TTC39C: variants seen among roughly 807,000 people sequenced by gnomAD.
The protein encoded by TTC39C is tetratricopeptide repeat protein 39C.
Under a neutral mutation model 76.3 loss-of-function variants are expected in TTC39C, and 33 were observed. That is an observed-to-expected ratio of 0.43 (90% CI 0.33 to 0.58). The LOEUF is 0.58. TTC39C is among the 20% of genes least tolerant of loss of function. The probability of loss-of-function intolerance (pLI) is 0.04; values close to 1 mark genes in which losing one functional copy is unlikely to be tolerated. For synonymous variants in TTC39C, 254 were observed against 260.6 expected (o/e 0.97, Z 0.24); for missense variants, 595 against 701.4 (o/e 0.85, Z 1.71).
chr18:24,016,962 A>T (rs1168536711), intron 1 of TTC39C, among the ~76,000 whole-genome samples: 2 of 152,192 alleles, frequency 1.3e-5, no homozygotes, highest in Non-Finnish European at 2.9e-5. Context: ...GAGGGACATG[A>T]GACTTAGTTT....
intron 1 of TTC39C, among the ~76,000 whole-genome samples, chr18:24,024,755 C>T (rs892715127): frequency 6.6e-6 from 1 of 152,110 alleles, no homozygotes; most frequent in African/African-American, 2.4e-5. Context: ...CAGGATTAGA[C>T]GATGAATTGA....
intron 6 of TTC39C, among the ~76,000 whole-genome samples, chr18:24,091,568 C>A (rs989041584): frequency 3.9e-5 from 6 of 152,126 alleles, no homozygotes; most frequent in Non-Finnish European, 8.8e-5. Flanking sequence ...TTGGGTTAGG[C>A]CTTGGTTTCC....
intron 10 of TTC39C, among the ~76,000 whole-genome samples, chr18:24,127,356 A>G (rs1057395975): frequency 2.0e-5 from 3 of 152,148 alleles, no homozygotes; most frequent in African/African-American, 7.2e-5. Context: ...GTGCCCTCCC[A>G]GTTTTGTGCA....
chr18:24,019,861 A>G, intron 1 of TTC39C: 4 of 1,527,064 alleles, frequency 2.6e-6, no homozygotes, highest in Non-Finnish European at 3.5e-6. Flanking sequence ...CTTTTACAGA[A>G]AAAGTTTTTT....
intron 1 of TTC39C, 31 bp from the exon 2 acceptor site, chr18:24,064,108 AT>A: frequency 1.2e-6 from 2 of 1,606,350 alleles, no homozygotes; most frequent in Non-Finnish European, 1.7e-6. Flanking sequence ...AAATAATTGT[AT>A]TTTGTGTGTG....
intron 4 of TTC39C, among the ~76,000 whole-genome samples, chr18:24,072,452 C>T (rs1599297772): frequency 2.0e-5 from 3 of 152,198 alleles, no homozygotes; most frequent in East Asian, 3.9e-4. Flanking sequence ...CATGCCACCA[C>T]TCCTGGCTAA....
intron 1 of TTC39C, among the ~76,000 whole-genome samples, chr18:24,050,933 T>C (rs1331189738): frequency 1.3e-5 from 2 of 152,094 alleles, no homozygotes; most frequent in African/African-American, 4.8e-5. Context: ...CTTGTCTGTA[T>C]TTTAAATTAC....
chr18:24,070,843 A>G (rs185131915), intron 4 of TTC39C, among the ~76,000 whole-genome samples: 1 of 150,488 alleles, frequency 6.6e-6, no homozygotes, highest in Non-Finnish European at 1.5e-5. Context: ...ACTTAAAAAG[A>G]AAAGAAAAGA....
At chr18:24,008,725 T>C (rs1315335187) in intron 1 of TTC39C, among the ~76,000 whole-genome samples, 1 of 152,220 alleles carries the variant, frequency 6.6e-6, no homozygotes, top group East Asian at 1.9e-4. Flanking sequence ...TAAAGACGCA[T>C]GTACACATGT....
At chr18:24,131,770 C>A in intron 12 of TTC39C, 112 bp from the exon 13 acceptor site, 1 of 799,370 alleles carries the variant, frequency 1.3e-6, no homozygotes, top group South Asian at 1.8e-5. Flanking sequence ...ACAGTTGACT[C>A]ATTGCTATGT....
chr18:24,078,167 C>T (rs1018367530), intron 4 of TTC39C, among the ~76,000 whole-genome samples: 1 of 152,030 alleles, frequency 6.6e-6, no homozygotes, highest in Non-Finnish European at 1.5e-5. Context: ...TTCATTCTAC[C>T]CTATAGCATT....
At chr18:24,005,302 C>T (rs1239120267) in intron 1 of TTC39C, among the ~76,000 whole-genome samples, 4 of 152,318 alleles carry the variant, frequency 2.6e-5, no homozygotes, top group East Asian at 1.9e-4. Context: ...TTTGTAAAGT[C>T]TTAACCCAGC....
upstream of TTC39C, among the ~76,000 whole-genome samples, chr18:24,011,589 C>T (rs1165793136): frequency 2.6e-5 from 4 of 152,180 alleles, no homozygotes; most frequent in African/African-American, 9.7e-5. Context: ...AATATGTTTG[C>T]TTTGCTGAGC....
chr18:24,040,730 C>T (rs543584192), intron 1 of TTC39C, among the ~76,000 whole-genome samples: 4 of 152,212 alleles, frequency 2.6e-5, no homozygotes, highest in South Asian at 2.1e-4. Flanking sequence ...GGGCATCTAG[C>T]GCGCTCTCTC....
At chr18:24,023,979 TACATATATATATATATATATATATA>T (rs2083557864) in intron 1 of TTC39C, among the ~76,000 whole-genome samples, 2 of 10,310 alleles carry the variant, frequency 1.9e-4, no homozygotes, top group Non-Finnish European at 2.7e-4. Flanking sequence ...TATATATATA[TACATATATATATATATATATATATA>T]TATATATATA....
upstream of TTC39C, among the ~76,000 whole-genome samples, chr18:24,011,439 A>G (rs1007977002): frequency 6.6e-6 from 1 of 152,196 alleles, no homozygotes; most frequent in African/African-American, 2.4e-5. Context: ...TTTTGGGACC[A>G]GGAGAGGCGG....
chr18:24,041,504 A>G (rs2083792439), intron 1 of TTC39C, among the ~76,000 whole-genome samples: 2 of 152,214 alleles, frequency 1.3e-5, no homozygotes, highest in African/African-American at 4.8e-5. Flanking sequence ...GAGACCAAGC[A>G]AATTATAAAA....
In TTC39C at chr18:24,126,047, C is replaced by T. The variant is rs551250223; in HGVS notation, c.1420+497C>T. ...ACTAAAAATACAAAAATTATCTGGGCGGGGTGGTGTGCACCTATAGTCCCA... is the reference window on the plus strand; with the variant it reads ...ACTAAAAATACAAAAATTATCTGGGTGGGGTGGTGTGCACCTATAGTCCCA... On this transcript the variant is annotated intron_variant, in intron 10 of 13. Transcript: ENST00000317571. Among the ~76,000 whole-genome samples the T allele has an allele frequency of 5.3e-5, 8 of 152,038 alleles. No homozygotes were observed. In the East Asian group the frequency reaches 1.4e-3, roughly 26 times the overall value.
Position 24,080,674 on chromosome 18 carries a change from CAGA to C in TTC39C, c.556_558del (p.Lys186del), listed in dbSNP as rs2084364881. 2 of 1,614,006 alleles carry C rather than the reference CAGA, an allele frequency of 1.2e-6. No individual in the cohort carries two copies. The highest frequency in any genetic ancestry group is 1.3e-5 in the African/African-American group (1 of 74,920). On this transcript the variant is annotated inframe_deletion, in exon 5 of 14. Coordinates refer to ENST00000317571, the MANE Select transcript of TTC39C (RefSeq NM_001135993.2). ...CATCAATGCCCTTCAGGAGCTGTAT[CAGA>C]AGAAGCTAACTGAAGAGTCCTTGAC...
Sources: allele counts gnomAD v4.1 joint callset (sites outside exome capture counted in the v4.1 genomes callset), GRCh38; gene constraint gnomAD v4.1.1; transcripts MANE v1.5; gene names NCBI Gene and HGNC (gene_info 2026-07-23, HGNC 2026-07-21).